The following MAP2K4 variants were observed in gnomAD, a reference collection of about 807,000 sequenced individuals.
The protein encoded by MAP2K4 is dual specificity mitogen-activated protein kinase kinase 4.
A neutral mutation model predicts 48.5 loss-of-function variants in MAP2K4; 4 were observed. The ratio of observed to expected loss-of-function variants is 0.08; its 90% CI spans 0.04 to 0.19. The LOEUF (loss-of-function observed/expected upper bound fraction) is 0.19. Among genes scored for constraint, MAP2K4 ranks in the 10% least tolerant of loss-of-function variants. The probability of loss-of-function intolerance (pLI) is 1.00; values close to 1 mark genes in which losing one functional copy is unlikely to be tolerated. For synonymous variants in MAP2K4, 166 were observed against 173.1 expected (o/e 0.96, Z 0.32); for missense variants, 258 against 493.3 (o/e 0.52, Z 4.52).
intron 1 of MAP2K4, among the ~76,000 whole-genome samples, chr17:12,023,693 C>G (rs2151504109): frequency 6.6e-6 from 1 of 152,222 alleles, no homozygotes; most frequent in South Asian, 2.1e-4. Flanking sequence ...CAAGAGTGGT[C>G]CAGGCTGGCC....
At chr17:12,025,111 G>A (rs911815154) in intron 1 of MAP2K4, among the ~76,000 whole-genome samples, 3 of 152,196 alleles carry the variant, frequency 2.0e-5, no homozygotes, top group Admixed American at 6.5e-5. Context: ...CCCATAGCAT[G>A]TAGTAATGTT....
At chr17:12,094,868 CCT>C (rs1971682664) in intron 3 of MAP2K4, among the ~76,000 whole-genome samples, 1 of 152,122 alleles carries the variant, frequency 6.6e-6, no homozygotes, top group African/African-American at 2.4e-5. Flanking sequence ...CAAAAAGAGC[CCT>C]CTGTTTCCTC....
At chr17:12,034,634 G>A (rs142391797) in intron 1 of MAP2K4, among the ~76,000 whole-genome samples, 2 of 152,212 alleles carry the variant, frequency 1.3e-5, no homozygotes, top group Admixed American at 6.5e-5. Flanking sequence ...GGCCCCTGCC[G>A]TTAGCAAGCT....
At chr17:12,061,409 G>C (rs959864836) in intron 2 of MAP2K4, among the ~76,000 whole-genome samples, 3 of 152,176 alleles carry the variant, frequency 2.0e-5, no homozygotes, top group Non-Finnish European at 4.4e-5. Flanking sequence ...CCATAAGTCA[G>C]CAATTCACTG....
intron 1 of MAP2K4, among the ~76,000 whole-genome samples, chr17:12,041,665 GAAAC>G (rs1969788023): frequency 1.3e-5 from 2 of 152,070 alleles, no homozygotes; most frequent in Admixed American, 1.3e-4. Context: ...GGAAAAAAAA[GAAAC>G]AACAAATTGG....
chr17:12,136,347 A>G (rs368993352), intron 9 of MAP2K4, among the ~76,000 whole-genome samples: 157 of 152,378 alleles, frequency 1.0e-3, no homozygotes, highest in African/African-American at 3.7e-3. Flanking sequence ...CACATTTATA[A>G]AGAACCAAAT....
intron 3 of MAP2K4, among the ~76,000 whole-genome samples, chr17:12,084,202 G>A (rs571432226): frequency 3.3e-5 from 5 of 152,212 alleles, no homozygotes; most frequent in Non-Finnish European, 4.4e-5. Flanking sequence ...TTACCCCAAA[G>A]ACTTAATCTA....
Position 12,125,391 on chromosome 17 carries a change from A to G in MAP2K4, c.891+20A>G, listed in dbSNP as rs779678011. ...ACATTGGTATGTTTATGCTGATTCA[A>G]CCTTGCCACAGTAGCGTAACAATAA... On this transcript the variant is annotated intron_variant, in intron 8 of 10. Coordinates refer to ENST00000353533, the MANE Select transcript of MAP2K4 (RefSeq NM_003010.4). The G allele has an allele frequency of 2.1e-5, 34 of 1,601,228 alleles. No individual in the cohort carries two copies. In the South Asian group the frequency reaches 2.6e-4, roughly 12 times the overall value.
At chr17:12,063,392 G>A (rs1275246095) in intron 2 of MAP2K4, among the ~76,000 whole-genome samples, 2 of 151,876 alleles carry the variant, frequency 1.3e-5, no homozygotes, top group Non-Finnish European at 2.9e-5. Context: ...ATATTCAGTG[G>A]GAAAAAAATA....
intron 4 of MAP2K4, 135 bp downstream of exon 4, chr17:12,095,829 G>C (rs1005246757): frequency 8.8e-7 from 1 of 1,135,782 alleles, no homozygotes; most frequent in South Asian, 1.5e-5. Flanking sequence ...GTTTAACCAT[G>C]GTAATTTACA....
chr17:12,041,464 G>A (rs1475445295), intron 1 of MAP2K4, among the ~76,000 whole-genome samples: 3 of 152,164 alleles, frequency 2.0e-5, no homozygotes, highest in South Asian at 2.1e-4. Context: ...AGTTGGTGGA[G>A]TATACAAAAG....
At chr17:12,139,317 T>C (rs983841228) in intron 9 of MAP2K4, among the ~76,000 whole-genome samples, 1 of 152,182 alleles carries the variant, frequency 6.6e-6, no homozygotes, top group African/African-American at 2.4e-5. Flanking sequence ...TGAAGTTATA[T>C]TGTTTTAAAC....
intron 3 of MAP2K4, chr17:12,082,001 C>G (rs778401956): frequency 1.9e-6 from 1 of 525,582 alleles, no homozygotes; most frequent in South Asian, 1.4e-5. Flanking sequence ...TCGGTCCTGA[C>G]CGGCTCGGCT....
intron 1 of MAP2K4, among the ~76,000 whole-genome samples, chr17:12,039,775 G>C (rs1969717604): frequency 6.6e-6 from 1 of 152,280 alleles, no homozygotes; most frequent in Admixed American, 6.5e-5. Context: ...TGGTTGATAT[G>C]TCTCTTAAGT....
intron 1 of MAP2K4, among the ~76,000 whole-genome samples, chr17:12,035,863 T>C (rs941614457): frequency 6.6e-6 from 1 of 152,212 alleles, no homozygotes; most frequent in African/African-American, 2.4e-5. Context: ...CTCTGAAGGA[T>C]TAATTTTTTT....
At chr17:12,098,505 GTA>G (rs57798890) in intron 4 of MAP2K4, among the ~76,000 whole-genome samples, 8 of 149,264 alleles carry the variant, frequency 5.4e-5, no homozygotes, top group Admixed American at 1.3e-4. Flanking sequence ...ATGTGTGTAT[GTA>G]TATATATATA....
At chr17:12,103,760 T>C (rs1972018182) in intron 4 of MAP2K4, among the ~76,000 whole-genome samples, 1 of 152,182 alleles carries the variant, frequency 6.6e-6, no homozygotes, top group South Asian at 2.1e-4. Context: ...GAATCCTATA[T>C]GCGTTCTTTA....
chr17:12,113,007 A>G lies in MAP2K4; in HGVS notation c.686-226A>G, dbSNP rs9894871. 9.8e-4 allele frequency: 332 copies of G among 339,918 alleles called. 2 individuals carry two copies. Among genetic ancestry groups the G allele is most frequent in the African/African-American group, 6.0e-3 (297 of 49,180 alleles). The allele number at this position is 339,918 out of a possible 1,614,324, so 21.1% of individuals were successfully genotyped here. A position where few individuals can be genotyped will look rare whatever the true frequency, so the allele number is the denominator to read the frequency against. On this transcript the variant is annotated intron_variant, in intron 6 of 10. Coordinates refer to ENST00000353533, the MANE Select transcript of MAP2K4 (RefSeq NM_003010.4). ...CTTACAGATTAATGTTTGTGAAATG[A>G]CTTTTGCTGTTACATTTACACAATT...
chr17:12,132,230 A>G (rs1252575498), intron 9 of MAP2K4, among the ~76,000 whole-genome samples: 1 of 152,232 alleles, frequency 6.6e-6, no homozygotes. Context: ...CAGCAATTCA[A>G]GTTCTGACTA....
Sources: gnomAD v4.1 joint callset for allele counts (sites outside exome capture counted in the v4.1 genomes callset) on GRCh38, gnomAD v4.1.1 for gene constraint, MANE v1.5 for transcripts, NCBI Gene and HGNC (gene_info 2026-07-23, HGNC 2026-07-21) for gene names.